FOS: variants seen among roughly 807,000 people sequenced by gnomAD.
The protein encoded by FOS is protein c-Fos.
In FOS, 9 loss-of-function variants were observed where a neutral mutation model predicts 27.2. The observed-to-expected ratio is 0.33, with a 90% CI of 0.20 to 0.58. The LOEUF is 0.58. Ranked by LOEUF, FOS falls within the 20% of genes least tolerant of loss-of-function variation. The probability of loss-of-function intolerance (pLI) is 0.87; values close to 1 mark genes in which losing one functional copy is unlikely to be tolerated. For synonymous variants in FOS, 213 were observed against 205.1 expected, an observed-to-expected ratio of 1.04 and a Z score of -0.33; for missense variants, 405 against 483.5, an observed-to-expected ratio of 0.84 and a Z score of 1.52.
chr14:75,278,860 A>C lies in FOS; in HGVS notation c.-123A>C. 1 of 1,203,718 alleles carries C rather than the reference A, an allele frequency of 8.3e-7. No individual in the cohort carries two copies. The highest frequency in any genetic ancestry group is 1.2e-6 in the Non-Finnish European group (1 of 854,428). The allele number at this position is 1,203,718 out of a possible 1,614,324, so 74.6% of individuals were successfully genotyped here. On this transcript the variant is annotated 5_prime_UTR_variant, in exon 1 of 4. Coordinates refer to ENST00000303562, the MANE Select transcript of FOS (RefSeq NM_005252.4). This position sits in a 1 kb window ranked among gnomAD's most constrained non-coding sequence, Gnocchi z 4.1. ...TCTGCAGCGAGCATCTGAGAAGCCA[A>C]GACTGAGCCGGCGGCCGCGGCGCAG...
rs1406355068 is a variant in FOS, at chr14:75,281,146, G to A, written c.865G>A (p.Val289Met). 2 of 1,610,228 alleles carry A rather than the reference G, an allele frequency of 1.2e-6. No individual in the cohort carries two copies. The highest frequency in any genetic ancestry group is 1.1e-5 in the South Asian group (1 of 91,088). Reference protein sequence around the residue: ...RPSGSETARSVPDMDLSGSFY... With the variant: ...RPSGSETARSMPDMDLSGSFY... ...CAGTGGCTCTGAGACAGCCCGCTCC[G>A]TGCCAGACATGGACCTATCTGGGTC... Residue 289 changes from valine to methionine, a missense_variant, in exon 4 of 4, where the codon GTG becomes ATG. Transcript: ENST00000303562. This position sits in a 1 kb window ranked among gnomAD's most constrained non-coding sequence, Gnocchi z 4.7.
Position 75,279,921 on chromosome 14 carries a change from C to A in FOS, c.186C>A (p.Pro62=). 1 of 1,613,612 alleles carries A rather than the reference C, an allele frequency of 6.2e-7. No individual in the cohort carries two copies. Among genetic ancestry groups the A allele is most frequent in the Non-Finnish European group, 8.5e-7 (1 of 1,179,694 alleles). ...CCGTCTCCAGTGCCAACTTCATTCC[C>A]ACGGTCACTGCCATCTCGACCAGTC... ...DLAVSSANFI[P]TVTAISTSPD... Residue 62 remains proline (P), a synonymous_variant, in exon 2 of 4, where the codon CCC becomes CCA. Coordinates refer to ENST00000303562, the MANE Select transcript of FOS (RefSeq NM_005252.4). This position sits in a 1 kb window ranked among gnomAD's most constrained non-coding sequence, Gnocchi z 5.4.
Position 75,279,346 on chromosome 14 carries a change from G to C in FOS, c.141+223G>C, listed in dbSNP as rs1897199680. 1.6e-6 allele frequency: 1 copy of C among 617,064 alleles called. No homozygotes were observed. The highest frequency in any genetic ancestry group is 2.8e-6 in the Non-Finnish European group (1 of 355,386). 38.2% of individuals were successfully genotyped at this position (617,064 alleles called of 1,614,324 possible). ...CCCCTTCGGGAGGCAGGTTCGTTCT[G>C]AGCAACCTCTGGTCTGCACTCCAGG... On this transcript the variant is annotated intron_variant, in intron 1 of 3. Coordinates refer to ENST00000303562, the MANE Select transcript of FOS (RefSeq NM_005252.4). The surrounding 1 kb of genome is among the most constrained non-coding windows in gnomAD (Gnocchi z 5.4).
chr14:75,279,019 T>C lies in FOS; in HGVS notation c.37T>C (p.Ser13Pro). The C allele has an allele frequency of 3.7e-6, 6 of 1,613,574 alleles. No individual in the cohort carries two copies. The highest frequency in any genetic ancestry group is 5.1e-6 in the Non-Finnish European group (6 of 1,179,896). ...GGGCTTCAACGCAGACTACGAGGCG[T>C]CATCCTCCCGCTGCAGCAGCGCGTC... is the stretch of plus-strand genomic sequence containing the variant. ...FSGFNADYEA[S>P]SSRCSSASPA... Residue 13 changes from serine to proline, a missense_variant, in exon 1 of 4, where the codon TCA (serine) becomes CCA (proline). Transcript: ENST00000303562. The surrounding 1 kb of genome is among the most constrained non-coding windows in gnomAD (Gnocchi z 5.4).
At chr14:75,280,357 A>G (rs970897244) in intron 2 of FOS, 5 of 686,138 alleles carry the variant, frequency 7.3e-6, no homozygotes, top group Non-Finnish European at 9.9e-6. Context: ...ATGCTTTCAG[A>G]CTGGGCTCTT....
Position 75,280,982 on chromosome 14 carries a change from A to C in FOS, c.701A>C (p.Glu234Ala). Residue 234 changes from glutamate (E) to alanine (A), a missense_variant, in exon 4 of 4, where the codon GAG becomes GCG. By Grantham distance (107) the Glu-to-Ala change is moderately radical. Transcript: ENST00000303562. ...GGCCTGCCAGAGGTTGCCACCCCGG[A>C]GTCTGAGGAGGCCTTCACCCTGCCT... ...TGGLPEVATPESEEAFTLPLL... is the reference protein window; with the variant it reads ...TGGLPEVATPASEEAFTLPLL... 1 of 1,614,136 alleles carries C rather than the reference A, an allele frequency of 6.2e-7. No homozygotes were observed. The highest frequency in any genetic ancestry group is 8.5e-7 in the Non-Finnish European group (1 of 1,180,028).
chr14:75,280,459 G>T, intron 2 of FOS, 101 bp from the exon 3 acceptor site: 1 of 914,112 alleles, frequency 1.1e-6, no homozygotes. Context: ...GGGGTGCCAG[G>T]AAGCAGGGAA....
rs1389930742 is a variant in FOS, at chr14:75,280,824, C to T, written c.543C>T (p.Thr181=). The T allele has an allele frequency of 6.8e-6, 11 of 1,613,948 alleles. No individual in the cohort carries two copies. Among genetic ancestry groups the T allele is most frequent in the East Asian group, 4.5e-5 (2 of 44,892 alleles). ...AAGATGAGAAGTCTGCTTTGCAGAC[C>T]GAGATTGCCAACCTGCTGAAGGAGA... is the stretch of plus-strand genomic sequence containing the variant. ...QLEDEKSALQ[T]EIANLLKEKE... is the part of the protein sequence containing the mutation. The change falls in exon 4 of 4, where the codon ACC becomes ACT. Residue 181 remains threonine, a synonymous_variant. Coordinates refer to ENST00000303562, the MANE Select transcript of FOS (RefSeq NM_005252.4).
chr14:75,281,544 C>T lies in FOS; in HGVS notation c.*120C>T, dbSNP rs1265513028. On this transcript the variant is annotated 3_prime_UTR_variant, in exon 4 of 4. Transcript: ENST00000303562. This position sits in a 1 kb window ranked among gnomAD's most constrained non-coding sequence, Gnocchi z 4.7. ...CCTGTAGACCTAGGGAGGACCTTAT[C>T]TGTGCGTGAAACACACCAGGCTGTG... 3 of 1,122,520 alleles carry T rather than the reference C, an allele frequency of 2.7e-6. No individual in the cohort carries two copies. The Admixed American group carries it at 7.9e-5, about 29-fold the overall frequency. 69.5% of individuals were successfully genotyped at this position (1,122,520 alleles called of 1,614,324 possible).
At position 75,278,836 on chromosome 14, in the gene FOS, C is replaced by T. The variant is rs1471873518; in HGVS notation, c.-147C>T. ...GCGGCGCCTCGTACTCCAACCGCAT[C>T]TGCAGCGAGCATCTGAGAAGCCAAG... On this transcript the variant is annotated 5_prime_UTR_variant, in exon 1 of 4. Transcript: ENST00000303562. The surrounding 1 kb of genome is among the most constrained non-coding windows in gnomAD (Gnocchi z 4.1). The T allele has an allele frequency of 1.1e-6, 1 of 870,332 alleles. No individual in the cohort carries two copies. The highest frequency in any genetic ancestry group is 1.8e-6 in the Non-Finnish European group (1 of 569,128). 53.9% of individuals were successfully genotyped at this position (870,332 alleles called of 1,614,324 possible).
chr14:75,280,538 T>C, intron 2 of FOS, 22 bp from the exon 3 acceptor site: 1 of 1,585,038 alleles, frequency 6.3e-7, no homozygotes, highest in South Asian at 1.1e-5. Context: ...TGAATGTCGG[T>C]CTTTTTTTGT....
intron 2 of FOS, 199 bp downstream of exon 2, chr14:75,280,327 T>G: frequency 1.4e-6 from 1 of 729,800 alleles, no homozygotes; most frequent in Non-Finnish European, 2.3e-6. Context: ...TCATAGTTTC[T>G]TCCCTAAGTT....
Position 75,280,815 on chromosome 14 carries a change from T to G in FOS, c.534T>G (p.Ala178=). Residue 178 remains alanine (A), a synonymous_variant, in exon 4 of 4, where the codon GCT becomes GCG. Coordinates refer to ENST00000303562, the MANE Select transcript of FOS (RefSeq NM_005252.4). ...ACCAACTAGAAGATGAGAAGTCTGC[T>G]TTGCAGACCGAGATTGCCAACCTGC... ...ETDQLEDEKS[A]LQTEIANLLK... is the part of the protein sequence containing the mutation. 6.2e-7 allele frequency: 1 copy of G among 1,614,120 alleles called. No individual in the cohort carries two copies. Among genetic ancestry groups the G allele is most frequent in the Non-Finnish European group, 8.5e-7 (1 of 1,180,004 alleles).
In FOS at chr14:75,282,141, A is replaced by T. The variant is rs2139938910; in HGVS notation, c.*717A>T. 1 of 152,442 alleles carries T rather than the reference A, an allele frequency of 6.6e-6. No individual in the cohort carries two copies. The highest frequency in any genetic ancestry group is 1.5e-5 in the Non-Finnish European group (1 of 68,020). 9.4% of individuals were successfully genotyped at this position (152,442 alleles called of 1,614,324 possible). The stretch of plus-strand genomic sequence containing the variant: ...TTTTTCTACCTTGAGGTCTTTTGAC[A>T]TGTGGAAAGTGAATTTGAATGAAAA... On this transcript the variant is annotated 3_prime_UTR_variant, in exon 4 of 4. Coordinates refer to ENST00000303562, the MANE Select transcript of FOS (RefSeq NM_005252.4).
At position 75,279,995 on chromosome 14, in the gene FOS, C is replaced by T; in HGVS notation, c.260C>T (p.Pro87Leu). The T allele has an allele frequency of 6.2e-7, 1 of 1,614,176 alleles. No homozygotes were observed. Among genetic ancestry groups the T allele is most frequent in the Non-Finnish European group, 8.5e-7 (1 of 1,180,032 alleles). The change falls in exon 2 of 4, where the codon CCA becomes CTA. Residue 87 changes from proline to leucine, a missense_variant. Coordinates refer to ENST00000303562, the MANE Select transcript of FOS (RefSeq NM_005252.4). This position sits in a 1 kb window ranked among gnomAD's most constrained non-coding sequence, Gnocchi z 5.4. Reference sequence around the variant, plus strand: ...CCCGCCCTCGTCTCCTCCGTGGCCCCATCGCAGACCAGAGCCCCTCACCCT... The same window carrying T: ...CCCGCCCTCGTCTCCTCCGTGGCCCTATCGCAGACCAGAGCCCCTCACCCT... ...VQPALVSSVA[P>L]SQTRAPHPFG...
chr14:75,281,432 G>T lies in FOS; in HGVS notation c.*8G>T. 1 of 1,607,664 alleles carries T rather than the reference G, an allele frequency of 6.2e-7. No homozygotes were observed. The highest frequency in any genetic ancestry group is 1.1e-5 in the South Asian group (1 of 90,958). On this transcript the variant is annotated 3_prime_UTR_variant, in exon 4 of 4. Coordinates refer to ENST00000303562, the MANE Select transcript of FOS (RefSeq NM_005252.4). The surrounding 1 kb of genome is among the most constrained non-coding windows in gnomAD (Gnocchi z 4.7). ...ACGCTGCTGGCCCTGTGAGGGGGCA[G>T]GGAAGGGGAGGCAGCCGGCACCCAC...
chr14:75,280,931 C>G lies in FOS; in HGVS notation c.650C>G (p.Ser217Cys), dbSNP rs765155676. The G allele has an allele frequency of 1.2e-6, 2 of 1,614,226 alleles. No homozygotes were observed. The highest frequency in any genetic ancestry group is 4.5e-5 in the East Asian group (2 of 44,888). ...PDDLGFPEEM[S>C]VASLDLTGGL... The stretch of plus-strand genomic sequence containing the variant: ...GACCTGGGCTTCCCAGAAGAGATGT[C>G]TGTGGCTTCCCTTGATCTGACTGGG... The change falls in exon 4 of 4, where the codon TCT (serine) becomes TGT (cysteine). Residue 217 changes from serine to cysteine, a missense_variant. Transcript: ENST00000303562.
chr14:75,279,791 C>A lies in FOS; in HGVS notation c.142-86C>A. 6.9e-7 allele frequency: 1 copy of A among 1,442,462 alleles called. No homozygotes were observed. Among genetic ancestry groups the A allele is most frequent in the Non-Finnish European group, 9.4e-7 (1 of 1,062,840 alleles). The allele number at this position is 1,442,462 out of a possible 1,614,324, so 89.4% of individuals were successfully genotyped here. A position where few individuals can be genotyped will look rare whatever the true frequency, so the allele number is the denominator to read the frequency against. On this transcript the variant is annotated intron_variant, in intron 1 of 3. Transcript: ENST00000303562. This position sits in a 1 kb window ranked among gnomAD's most constrained non-coding sequence, Gnocchi z 5.4. ...TCCGTGGCAGGATCGTTTCTCTTCA[C>A]TGCTGCATGCGGCACTGGGAACTCG...
At position 75,278,922 on chromosome 14, in the gene FOS, T is replaced by C. The variant is rs1897193032; in HGVS notation, c.-61T>C. The stretch of plus-strand genomic sequence containing the variant: ...TGACCGTGCTCCTACCCAGCTCTGC[T>C]CCACAGCGCCCACCTGTCTCCGCCC... On this transcript the variant is annotated 5_prime_UTR_variant, in exon 1 of 4. Transcript: ENST00000303562. The surrounding 1 kb of genome is among the most constrained non-coding windows in gnomAD (Gnocchi z 4.1). 2.5e-6 allele frequency: 4 copies of C among 1,602,546 alleles called. No individual in the cohort carries two copies. Among genetic ancestry groups the C allele is most frequent in the Admixed American group, 1.7e-5 (1 of 58,972 alleles).
Sources: gnomAD v4.1 joint callset for allele counts on GRCh38, gnomAD v4.1.1 for gene constraint, Gnocchi (gnomAD v3.1) non-coding constraint, MANE v1.5 for transcripts, NCBI Gene and HGNC (gene_info 2026-07-23, HGNC 2026-07-21) for gene names.